COMMD1: variants seen among roughly 807,000 people sequenced by gnomAD.
COMMD1 encodes COMM domain-containing protein 1.
A neutral mutation model predicts 17.2 loss-of-function variants in COMMD1; 10 were observed. The observed-to-expected ratio is 0.58, with a 90% CI of 0.36 to 0.99. The LOEUF is 0.99. COMMD1 is among the 50% of genes least tolerant of loss of function. COMMD1 has a pLI of 0.01. For missense variants in COMMD1, 270 were observed against 231.8 expected (o/e 1.17, Z -1.07); for synonymous variants, 97 against 91.6 (o/e 1.06, Z -0.34).
intron 1 of COMMD1, among the ~76,000 whole-genome samples, chr2:61,947,508 A>G (rs1670938512): frequency 6.6e-6 from 1 of 151,978 alleles, no homozygotes; most frequent in Admixed American, 6.6e-5. Flanking sequence ...ACATGGTGAA[A>G]CCCTGTCTCT....
chr2:62,028,271 A>C (rs1669820877), intron 2 of COMMD1, among the ~76,000 whole-genome samples: 1 of 152,130 alleles, frequency 6.6e-6, no homozygotes, highest in African/African-American at 2.4e-5. Flanking sequence ...TTCTTTTTTC[A>C]ATATAAAAGG....
chr2:61,930,372 A>G (rs897873195), intron 1 of COMMD1, among the ~76,000 whole-genome samples: 7 of 152,058 alleles, frequency 4.6e-5, no homozygotes, highest in Admixed American at 1.3e-4. Flanking sequence ...CCTGGCCAAC[A>G]TGGTGAAACC....
chr2:61,902,753 G>T (rs914622032), upstream of COMMD1, among the ~76,000 whole-genome samples: 1 of 152,098 alleles, frequency 6.6e-6, no homozygotes, highest in Non-Finnish European at 1.5e-5. Flanking sequence ...CCTGAGATCG[G>T]AGGATAACTT....
intron 2 of COMMD1, among the ~76,000 whole-genome samples, chr2:62,015,727 G>C (rs1669424777): frequency 7.7e-6 from 1 of 130,012 alleles, no homozygotes; most frequent in Non-Finnish European, 1.6e-5. Flanking sequence ...TTTTTTGATA[G>C]TTGTCATCCG....
intron 2 of COMMD1, among the ~76,000 whole-genome samples, chr2:62,029,281 G>T (rs544934136): frequency 1.3e-4 from 20 of 152,250 alleles, no homozygotes; most frequent in African/African-American, 4.8e-4. Context: ...AACAGGATAT[G>T]TGTATGCATA....
chr2:61,943,614 CA>C (rs1670811068), intron 1 of COMMD1, among the ~76,000 whole-genome samples: 2 of 152,164 alleles, frequency 1.3e-5, no homozygotes, highest in Non-Finnish European at 2.9e-5. Context: ...GCAGGTGGAT[CA>C]CTTGAGGTCA....
At chr2:62,015,309 A>G (rs753728511) in intron 2 of COMMD1, among the ~76,000 whole-genome samples, 2 of 152,236 alleles carry the variant, frequency 1.3e-5, no homozygotes, top group Non-Finnish European at 2.9e-5. Flanking sequence ...TATTTTACAC[A>G]TAGTGTCTTC....
At chr2:61,910,654 G>A (rs1369262788) in intron 1 of COMMD1, among the ~76,000 whole-genome samples, 1 of 152,096 alleles carries the variant, frequency 6.6e-6, no homozygotes, top group Admixed American at 6.6e-5. Flanking sequence ...TTGTGGATAT[G>A]CTCAATTCCA....
At chr2:61,993,028 G>A (rs116101811) in intron 1 of COMMD1, among the ~76,000 whole-genome samples, 2,706 of 149,440 alleles carry the variant, frequency 0.018, 43 homozygotes, top group Non-Finnish European at 0.023. Context: ...ACTATATTAT[G>A]TACAACTTAC....
At chr2:62,097,967 G>A (rs573825186) in intron 2 of COMMD1, among the ~76,000 whole-genome samples, 1 of 152,014 alleles carries the variant, frequency 6.6e-6, no homozygotes, top group African/African-American at 2.4e-5. Context: ...TGCCCCCTTT[G>A]TGCAAGCACC....
chr2:61,953,647 G>A (rs1317290145), intron 1 of COMMD1, among the ~76,000 whole-genome samples: 4 of 152,090 alleles, frequency 2.6e-5, no homozygotes. Flanking sequence ...TAGGATTACA[G>A]GTGTGAGCCA....
rs1216899287 is a variant in COMMD1 at position 62,123,287 on chromosome 2, T to C, written c.463-12544T>C. Among the ~76,000 whole-genome samples the C allele has an allele frequency of 2.8e-3, 415 of 150,700 alleles. 1 individual carries two copies. Among genetic ancestry groups the C allele is most frequent in the African/African-American group, 9.8e-3 (394 of 40,202 alleles). Reference sequence around the variant, plus strand: ...TTGGGAGGCTGAGGCAGGCAGATCATGAGGTCAGGAGTTCAAGACCAGCCT... The same window carrying C: ...TTGGGAGGCTGAGGCAGGCAGATCACGAGGTCAGGAGTTCAAGACCAGCCT... On this transcript the variant is annotated intron_variant, in intron 2 of 2. Transcript: ENST00000311832.
intron 1 of COMMD1, among the ~76,000 whole-genome samples, chr2:61,958,887 C>G (rs764567501): frequency 1.3e-5 from 2 of 152,008 alleles, no homozygotes; most frequent in Non-Finnish European, 2.9e-5. Context: ...TACTTCAGTT[C>G]GTGCTTTTGT....
At chr2:62,130,167 A>C (rs891716368) in intron 2 of COMMD1, among the ~76,000 whole-genome samples, 4 of 151,612 alleles carry the variant, frequency 2.6e-5, no homozygotes, top group South Asian at 4.2e-4. Flanking sequence ...AAAAAAAAAA[A>C]AACAAACAAA....
intron 2 of COMMD1, among the ~76,000 whole-genome samples, chr2:62,005,022 A>T (rs576214318): frequency 6.6e-6 from 1 of 152,334 alleles, no homozygotes; most frequent in South Asian, 2.1e-4. Flanking sequence ...ATTTTAAAGC[A>T]GTAGTTCTCA....
chr2:62,121,579 A>G (rs1461906122), intron 2 of COMMD1, among the ~76,000 whole-genome samples: 2 of 150,964 alleles, frequency 1.3e-5, no homozygotes, highest in Non-Finnish European at 3.0e-5. Flanking sequence ...CTCTACTAAA[A>G]ATACAAAAAT....
At chr2:62,105,917 A>G (rs996374420) in intron 2 of COMMD1, among the ~76,000 whole-genome samples, 3 of 152,232 alleles carry the variant, frequency 2.0e-5, no homozygotes, top group South Asian at 2.1e-4. Flanking sequence ...ACAATTCAAC[A>G]TGAGATTTGG....
At chr2:62,108,748 A>C (rs1056122392) in intron 2 of COMMD1, among the ~76,000 whole-genome samples, 2 of 152,188 alleles carry the variant, frequency 1.3e-5, no homozygotes, top group African/African-American at 4.8e-5. Flanking sequence ...TCATTCTGCG[A>C]AGGTGGCATA....
intron 1 of COMMD1, among the ~76,000 whole-genome samples, chr2:61,953,176 A>T (rs1431223623): frequency 6.7e-6 from 1 of 148,878 alleles, no homozygotes; most frequent in African/African-American, 2.5e-5. Flanking sequence ...TGCCTAGCTA[A>T]GTTTTGTATT....
Sources: allele counts gnomAD v4.1 joint callset (sites outside exome capture counted in the v4.1 genomes callset), GRCh38; gene constraint gnomAD v4.1.1; transcripts MANE v1.5; gene names NCBI Gene and HGNC (gene_info 2026-07-23, HGNC 2026-07-21).